PABPC1: variants seen among roughly 807,000 people sequenced by gnomAD.
PABPC1 encodes the protein poly(A) binding protein cytoplasmic 1.
A neutral mutation model predicts 74.0 loss-of-function variants in PABPC1; 4 were observed. The ratio of observed to expected loss-of-function variants is 0.05; its 90% CI spans 0.03 to 0.12. PABPC1 has a LOEUF of 0.12. PABPC1 is among the 10% of genes least tolerant of loss of function. PABPC1 has a pLI of 1.00. For missense variants in PABPC1, 271 were observed against 821.1 expected (o/e 0.33, Z 8.19); for synonymous variants, 227 against 264.1 (o/e 0.86, Z 1.36).
chr8:100,712,838 T>TA, intron 5 of PABPC1, 49 bp from the exon 6 acceptor site: 2 of 1,520,512 alleles, frequency 1.3e-6, no homozygotes, highest in Non-Finnish European at 1.8e-6. Flanking sequence ...ACTTTCAACT[T>TA]ACAGTTCATT....
intron 9 of PABPC1, among the ~76,000 whole-genome samples, chr8:100,708,566 A>G (rs1396878368): frequency 1.3e-5 from 2 of 152,318 alleles, no homozygotes; most frequent in South Asian, 4.1e-4. Flanking sequence ...GAGACCTTTA[A>G]AACTGTGGCC....
intron 1 of PABPC1, among the ~76,000 whole-genome samples, chr8:100,719,887 G>C (rs1810770179): frequency 6.6e-6 from 1 of 152,192 alleles, no homozygotes; most frequent in Non-Finnish European, 1.5e-5. Context: ...AGGTTGACAA[G>C]AACTGTTATG....
chr8:100,712,857 A>T (rs1166064030), intron 5 of PABPC1, 68 bp from the exon 6 acceptor site: 10 of 1,475,868 alleles, frequency 6.8e-6, no homozygotes, highest in Non-Finnish European at 9.0e-6. Flanking sequence ...TTTCCTTAAC[A>T]GTTAAGACAA....
chr8:100,707,698 T>C (rs182408967), intron 9 of PABPC1, among the ~76,000 whole-genome samples: 1 of 152,310 alleles, frequency 6.6e-6, no homozygotes, highest in Non-Finnish European at 1.5e-5. Flanking sequence ...TCTGGATAAT[T>C]GCAGGCAAGC....
At chr8:100,706,392 C>T (rs1013191856) in intron 11 of PABPC1, among the ~76,000 whole-genome samples, 2 of 152,112 alleles carry the variant, frequency 1.3e-5, no homozygotes, top group Admixed American at 6.6e-5. Flanking sequence ...CTCCTGGGCT[C>T]GAGCAATCCT....
At position 100,721,892 on chromosome 8, in the gene PABPC1, T is replaced by C. The variant is rs1810844239; in HGVS notation, c.-309A>G. The C allele has an allele frequency of 9.6e-6, 3 of 312,660 alleles. No individual in the cohort carries two copies. The highest frequency in any genetic ancestry group is 6.4e-5 in the African/African-American group (3 of 46,572). 19.4% of individuals were successfully genotyped at this position (312,660 alleles called of 1,614,324 possible). ...GGCGGGCGGGTCGGTCTCGGCTGCT[T>C]CACCGGGTTATTTTATAAAAGAGGA... On this transcript the variant is annotated 5_prime_UTR_variant, in exon 1 of 15. Coordinates refer to ENST00000318607, the MANE Select transcript of PABPC1 (RefSeq NM_002568.4). The surrounding 1 kb of genome is among the most constrained non-coding windows in gnomAD (Gnocchi z 7.4).
intron 1 of PABPC1, among the ~76,000 whole-genome samples, chr8:100,719,729 G>T (rs1221468774): frequency 6.6e-6 from 1 of 152,104 alleles, no homozygotes; most frequent in Non-Finnish European, 1.5e-5. Flanking sequence ...ATTTAAAAAC[G>T]TTAAGCTGAG....
chr8:100,709,132 C>T lies in PABPC1; in HGVS notation c.1336+1G>A. On this transcript the variant is annotated splice_donor_variant, in intron 9 of 14. Coordinates refer to ENST00000318607, the MANE Select transcript of PABPC1 (RefSeq NM_002568.4). LOFTEE classifies it high-confidence loss of function. ...CCTTAATTAAAAGAAAAAAGACTTA[C>T]GATGAGGTCTGGCACCCTGAGCAGT... The T allele has an allele frequency of 6.6e-7, 1 of 1,515,762 alleles. No homozygotes were observed. The highest frequency in any genetic ancestry group is 9.0e-7 in the Non-Finnish European group (1 of 1,113,602). 93.9% of individuals were successfully genotyped at this position (1,515,762 alleles called of 1,614,324 possible).
intron 7 of PABPC1, 33 bp downstream of exon 7, chr8:100,712,329 G>T: frequency 8.0e-7 from 1 of 1,251,294 alleles, no homozygotes; most frequent in Non-Finnish European, 1.1e-6. Context: ...ATTTTTACTA[G>T]ACCTCAAATA....
chr8:100,711,729 G>A (rs1208690378), intron 7 of PABPC1, among the ~76,000 whole-genome samples: 1 of 152,220 alleles, frequency 6.6e-6, no homozygotes, highest in African/African-American at 2.4e-5. Context: ...GGACTTGCCA[G>A]GAAAAGCTGA....
At chr8:100,704,275 C>T in intron 14 of PABPC1, 22 bp downstream of exon 14, 1 of 1,576,598 alleles carries the variant, frequency 6.3e-7, no homozygotes, top group East Asian at 2.2e-5. Flanking sequence ...CTTAAAACAA[C>T]AAACCAGAGG....
intron 14 of PABPC1, among the ~76,000 whole-genome samples, chr8:100,703,656 G>A (rs1046532449): frequency 2.0e-5 from 3 of 152,178 alleles, no homozygotes; most frequent in African/African-American, 7.2e-5. Flanking sequence ...TTTCTTGGGA[G>A]TGATGAAAGA....
Position 100,715,546 on chromosome 8 carries a change from C to T in PABPC1, c.559G>A (p.Ala187Thr). 1 of 1,613,144 alleles carries T rather than the reference C, an allele frequency of 6.2e-7. No homozygotes were observed. Among genetic ancestry groups the T allele is most frequent in the Non-Finnish European group, 8.5e-7 (1 of 1,179,342 alleles). ...KEREAELGAR[A>T]KEFTNVYIKN... ...ATGTAAACATTGGTGAATTCTTTTGCCCTAGCTCCAAGTTCAGCTTCTCGT... is the reference window on the plus strand; with the variant it reads ...ATGTAAACATTGGTGAATTCTTTTGTCCTAGCTCCAAGTTCAGCTTCTCGT... Residue 187 changes from alanine to threonine, a missense_variant, in exon 4 of 15, where the codon GCA becomes ACA. Ala to Thr is a moderately conservative substitution (Grantham distance 58). Coordinates refer to ENST00000318607, the MANE Select transcript of PABPC1 (RefSeq NM_002568.4).
chr8:100,714,249 C>T (rs3115894), intron 4 of PABPC1, among the ~76,000 whole-genome samples: 85,672 of 152,164 alleles, frequency 0.56, 25,573 homozygotes, highest in African/African-American at 0.78. Flanking sequence ...CTTTTACAAA[C>T]AGCTTCTAAT....
intron 9 of PABPC1, among the ~76,000 whole-genome samples, chr8:100,707,675 A>T (rs1810417152): frequency 6.6e-6 from 1 of 152,220 alleles, no homozygotes; most frequent in African/African-American, 2.4e-5. Context: ...CACCATAGGG[A>T]GACGGTTAGG....
intron 11 of PABPC1, among the ~76,000 whole-genome samples, chr8:100,705,941 G>A (rs539645787): frequency 3.9e-5 from 6 of 152,260 alleles, no homozygotes; most frequent in African/African-American, 1.2e-4. Context: ...CTCCGCCTCC[G>A]GATTCAAGCA....
chr8:100,707,408 G>A (rs1388670250), intron 9 of PABPC1, among the ~76,000 whole-genome samples: 1 of 152,098 alleles, frequency 6.6e-6, no homozygotes. Flanking sequence ...CAAGGGGCAG[G>A]GTAAAGAGTG....
intron 7 of PABPC1, among the ~76,000 whole-genome samples, chr8:100,710,812 C>T (rs1810509028): frequency 6.6e-6 from 1 of 151,434 alleles, no homozygotes; most frequent in Admixed American, 6.6e-5. Context: ...CGTGGCGAAA[C>T]CCCGTCTTTA....
Position 100,718,153 on chromosome 8 carries a change from G to A in PABPC1, c.321C>T (p.Asp107=). 5.6e-6 allele frequency: 9 copies of A among 1,614,164 alleles called. No homozygotes were observed. Among genetic ancestry groups the A allele is most frequent in the Non-Finnish European group, 7.6e-6 (9 of 1,179,994 alleles). The change falls in exon 2 of 15, where the codon GAC becomes GAT. Residue 107 remains aspartate (D), a synonymous_variant. Transcript: ENST00000318607. ...GVGNIFIKNL[D]KSIDNKALYD... ...ACAGTGCTTTATTATCAATGGATTT[G>A]TCCAGATTTTTAATGAATATGTTGC...
Sources: gnomAD v4.1 joint callset for allele counts (sites outside exome capture counted in the v4.1 genomes callset) on GRCh38, gnomAD v4.1.1 for gene constraint, Gnocchi (gnomAD v3.1) non-coding constraint, MANE v1.5 for transcripts, NCBI Gene and HGNC (gene_info 2026-07-23, HGNC 2026-07-21) for gene names.